The following SRGAP1 variants were observed in gnomAD, a reference collection of about 807,000 sequenced individuals.
SRGAP1 encodes SLIT-ROBO Rho GTPase-activating protein 1.
SRGAP1 carries 43 observed loss-of-function variants against 121.9 expected under a neutral mutation model. The ratio of observed to expected loss-of-function variants is 0.35; its 90% CI spans 0.28 to 0.46. The LOEUF is 0.46. SRGAP1 is among the 20% of genes least tolerant of loss of function. The pLI, the probability that SRGAP1 is intolerant of heterozygous loss-of-function variation, is 1.00. For missense variants in SRGAP1, 1,102 were observed against 1,350.9 expected, an observed-to-expected ratio of 0.82 and a Z score of 2.89; for synonymous variants, 447 against 485.4, an observed-to-expected ratio of 0.92 and a Z score of 1.04.
chr12:64,054,168 A>G (rs1026619866), intron 6 of SRGAP1, among the ~76,000 whole-genome samples: 1 of 152,172 alleles, frequency 6.6e-6, no homozygotes, highest in Admixed American at 6.5e-5. Flanking sequence ...GTTTCTCCCT[A>G]TAAACATTTG....
At chr12:63,865,772 A>G (rs1168831993) in intron 1 of SRGAP1, among the ~76,000 whole-genome samples, 1 of 152,140 alleles carries the variant, frequency 6.6e-6, no homozygotes, top group Non-Finnish European at 1.5e-5. Flanking sequence ...TTTTCGGTGC[A>G]TCTCATCCAT....
Position 64,156,200 on chromosome 12 carries a change from T to A in SRGAP1, c.*13528T>A, listed in dbSNP as rs1344420831. On this transcript the variant is annotated 3_prime_UTR_variant, in exon 22 of 22. Coordinates refer to ENST00000355086, the MANE Select transcript of SRGAP1 (RefSeq NM_020762.4). ...TTGCTCCACACACTTGAAATATAAA[T>A]TTTTAAAGACATTTTATTCTTTTTT... 7 of 152,206 alleles carry A rather than the reference T, an allele frequency of 4.6e-5. No homozygotes were observed. Among genetic ancestry groups the A allele is most frequent in the Non-Finnish European group, 8.8e-5 (6 of 68,030 alleles). 9.4% of individuals were successfully genotyped at this position (152,206 alleles called of 1,614,324 possible).
intron 1 of SRGAP1, 184 bp from the exon 2 acceptor site, chr12:63,983,763 T>G (rs1370128128): frequency 6.9e-6 from 1 of 144,318 alleles, no homozygotes; most frequent in Non-Finnish European, 1.4e-5. Flanking sequence ...GAGCGAGACC[T>G]CTATCTCAAA....
intron 3 of SRGAP1, among the ~76,000 whole-genome samples, chr12:64,001,685 C>A (rs907483831): frequency 6.6e-6 from 1 of 152,140 alleles, no homozygotes; most frequent in African/African-American, 2.4e-5. Flanking sequence ...ATTGCAAATG[C>A]AAGAAAGAAC....
intron 15 of SRGAP1, among the ~76,000 whole-genome samples, chr12:64,106,540 C>T (rs1160762976): frequency 6.6e-6 from 1 of 152,192 alleles, no homozygotes; most frequent in Non-Finnish European, 1.5e-5. Context: ...CATCTTCCCT[C>T]TCTGTACAAT....
rs1235494732 is a variant in SRGAP1 at position 64,143,671 on chromosome 12, G to A, written c.*999G>A. On this transcript the variant is annotated 3_prime_UTR_variant, in exon 22 of 22. Transcript: ENST00000355086. ...AAACATGCTACAAAGCCCAGGCATG[G>A]TGGTGCACACCTGTACTCCCAGCTA... The A allele has an allele frequency of 6.6e-6, 1 of 152,216 alleles. No homozygotes were observed. Among genetic ancestry groups the A allele is most frequent in the South Asian group, 2.1e-4 (1 of 4,830 alleles). 9.4% of individuals were successfully genotyped at this position (152,216 alleles called of 1,614,324 possible).
At chr12:63,938,689 A>G (rs1247721347) in intron 1 of SRGAP1, among the ~76,000 whole-genome samples, 2 of 151,670 alleles carry the variant, frequency 1.3e-5, no homozygotes, top group Non-Finnish European at 2.9e-5. Flanking sequence ...AACTTTTACC[A>G]TGTTAGCACC....
At chr12:63,931,470 T>G (rs530179623) in intron 1 of SRGAP1, among the ~76,000 whole-genome samples, 2 of 152,352 alleles carry the variant, frequency 1.3e-5, no homozygotes, top group African/African-American at 4.8e-5. Flanking sequence ...GAATTTTTTT[T>G]CTCTTTCCTT....
At chr12:64,055,903 C>T (rs1485939086) in intron 6 of SRGAP1, among the ~76,000 whole-genome samples, 1 of 152,078 alleles carries the variant, frequency 6.6e-6, no homozygotes, top group Non-Finnish European at 1.5e-5. Context: ...AGATTTTTAC[C>T]ACCAGCGTTG....
chr12:64,058,595 T>C (rs757863920), intron 6 of SRGAP1, among the ~76,000 whole-genome samples: 11 of 152,212 alleles, frequency 7.2e-5, no homozygotes, highest in Non-Finnish European at 2.9e-5. Flanking sequence ...TCAGAATTTT[T>C]CATCCATCAG....
At chr12:64,141,492 A>C (rs1007251059) in intron 21 of SRGAP1, among the ~76,000 whole-genome samples, 1 of 151,954 alleles carries the variant, frequency 6.6e-6, no homozygotes, top group African/African-American at 2.4e-5. Flanking sequence ...AGGCAGGAGA[A>C]TTGTTTGAAC....
intron 1 of SRGAP1, among the ~76,000 whole-genome samples, chr12:63,937,391 G>C (rs1168129291): frequency 6.6e-6 from 1 of 152,068 alleles, no homozygotes; most frequent in Non-Finnish European, 1.5e-5. Context: ...ATCTACTATA[G>C]AACTTGAAAT....
At chr12:64,090,682 A>T (rs933012457) in intron 11 of SRGAP1, among the ~76,000 whole-genome samples, 2 of 152,148 alleles carry the variant, frequency 1.3e-5, no homozygotes, top group African/African-American at 4.8e-5. Flanking sequence ...TCTATAAAAA[A>T]TTTAAAAATT....
At chr12:63,887,920 C>G (rs2136293507) in intron 1 of SRGAP1, 1 of 152,374 alleles carries the variant, frequency 6.6e-6, no homozygotes, top group Middle Eastern at 3.4e-3. Context: ...AGCTCCATTT[C>G]TTTCTGACAA....
chr12:63,909,874 G>A (rs2030409036), intron 1 of SRGAP1, among the ~76,000 whole-genome samples: 1 of 152,166 alleles, frequency 6.6e-6, no homozygotes, highest in Non-Finnish European at 1.5e-5. Flanking sequence ...TTCTCTTTAG[G>A]AAACCTGAGT....
chr12:63,983,161 G>C (rs914007884), intron 1 of SRGAP1: 1 of 152,192 alleles, frequency 6.6e-6, no homozygotes, highest in African/African-American at 2.4e-5. Flanking sequence ...TTACAAACTA[G>C]AAATTATGCA....
At chr12:64,114,673 G>A (rs2036489920) in intron 17 of SRGAP1, among the ~76,000 whole-genome samples, 1 of 152,086 alleles carries the variant, frequency 6.6e-6, no homozygotes, top group Admixed American at 6.6e-5. Flanking sequence ...TTAAATATTA[G>A]GGCTATGTCA....
chr12:64,099,174 T>G (rs11835930), intron 15 of SRGAP1, among the ~76,000 whole-genome samples: 13,893 of 152,280 alleles, frequency 0.091, 1,456 homozygotes, highest in African/African-American at 0.26. Context: ...GTGACCTTAG[T>G]CAGGTTTCTT....
intron 3 of SRGAP1, among the ~76,000 whole-genome samples, chr12:64,012,053 C>A (rs1020058485): frequency 1.3e-5 from 2 of 151,678 alleles, no homozygotes; most frequent in Non-Finnish European, 2.9e-5. Flanking sequence ...CAGAGGGAGA[C>A]CCTGTGTCAA....
Sources: allele counts gnomAD v4.1 joint callset (sites outside exome capture counted in the v4.1 genomes callset), GRCh38; gene constraint gnomAD v4.1.1; transcripts MANE v1.5; gene names NCBI Gene and HGNC (gene_info 2026-07-23, HGNC 2026-07-21).